The following B3GALT1 variants were observed in gnomAD, a reference collection of about 807,000 sequenced individuals.
B3GALT1 encodes the protein UDP-Gal:betaGlcNAc beta 1,3-galactosyltransferase, polypeptide 1.
Under a neutral mutation model 23.2 loss-of-function variants are expected in B3GALT1, and 10 were observed. That is an observed-to-expected ratio of 0.43 (90% CI 0.27 to 0.73). The LOEUF (loss-of-function observed/expected upper bound fraction) is 0.73. Ranked by LOEUF, B3GALT1 falls within the 30% of genes least tolerant of loss-of-function variation. The pLI is 0.21. For synonymous variants in B3GALT1, 156 were observed against 141.5 expected (o/e 1.10, Z -0.73); for missense variants, 299 against 405.4 (o/e 0.74, Z 2.25).
At chr2:167,651,237 TG>T (rs1413484799) in intron 3 of B3GALT1, among the ~76,000 whole-genome samples, 3 of 63,704 alleles carry the variant, frequency 4.7e-5, no homozygotes, top group African/African-American at 9.0e-5. Context: ...GCAGAAAGGT[TG>T]TGTGTGTGTG....
chr2:167,394,712 G>A (rs960090205), intron 1 of B3GALT1, among the ~76,000 whole-genome samples: 1 of 152,174 alleles, frequency 6.6e-6, no homozygotes, highest in African/African-American at 2.4e-5. Flanking sequence ...GCTCCCAAAG[G>A]AAGGTGGAAA....
chr2:167,392,880 C>T (rs1261973317), intron 1 of B3GALT1, among the ~76,000 whole-genome samples: 1 of 152,100 alleles, frequency 6.6e-6, no homozygotes, highest in African/African-American at 2.4e-5. Flanking sequence ...TCATAACACA[C>T]TCTCCTCTAG....
At chr2:167,727,416 C>G (rs1196441485) in intron 3 of B3GALT1, among the ~76,000 whole-genome samples, 1 of 152,136 alleles carries the variant, frequency 6.6e-6, no homozygotes, top group African/African-American at 2.4e-5. Context: ...CGCATTGGCT[C>G]CTAGGATTAG....
intron 1 of B3GALT1, among the ~76,000 whole-genome samples, chr2:167,404,339 A>T (rs907751424): frequency 3.3e-5 from 5 of 152,196 alleles, no homozygotes; most frequent in African/African-American, 1.2e-4. Context: ...CTGGGGATCA[A>T]CATGAAGTTT....
intron 4 of B3GALT1, among the ~76,000 whole-genome samples, chr2:167,846,599 C>T (rs182896776): frequency 6.6e-6 from 1 of 152,314 alleles, no homozygotes; most frequent in East Asian, 1.9e-4. Flanking sequence ...CTAAAAGAAG[C>T]TCTGTTTCTT....
intron 1 of B3GALT1, among the ~76,000 whole-genome samples, chr2:167,402,305 TAAAA>T (rs531521504): frequency 1.5e-3 from 229 of 152,186 alleles, no homozygotes; most frequent in African/African-American, 5.2e-3. Flanking sequence ...ATATTTCTAA[TAAAA>T]AAAGTTTTAG....
rs1330028646 is a variant in B3GALT1, at chr2:167,874,032, AG to A, written c.*4013del. The A allele has an allele frequency of 6.6e-6, 1 of 152,250 alleles. No individual in the cohort carries two copies. Among genetic ancestry groups the A allele is most frequent in the African/African-American group, 2.4e-5 (1 of 41,460 alleles). The allele number at this position is 152,250 out of a possible 1,614,324, so 9.4% of individuals were successfully genotyped here. On this transcript the variant is annotated 3_prime_UTR_variant, in exon 5 of 5. Transcript: ENST00000392690. ...TTTTAAACCATTGGGACAAATAAACAGAAGGAGAACAAATGTGTCACTTCTC... is the reference window on the plus strand; with the variant it reads ...TTTTAAACCATTGGGACAAATAAACAAAGGAGAACAAATGTGTCACTTCTC...
At chr2:167,355,483 C>T (rs1265190289) in intron 1 of B3GALT1, among the ~76,000 whole-genome samples, 1 of 152,086 alleles carries the variant, frequency 6.6e-6, no homozygotes, top group Non-Finnish European at 1.5e-5. Context: ...AATAACTTTG[C>T]AGGATCAATA....
intron 3 of B3GALT1, among the ~76,000 whole-genome samples, chr2:167,662,608 C>G (rs1171007953): frequency 6.6e-6 from 1 of 152,146 alleles, no homozygotes; most frequent in African/African-American, 2.4e-5. Flanking sequence ...CTATTCTCCA[C>G]TGTAACAGAC....
At chr2:167,821,235 C>G (rs1289148697) in intron 4 of B3GALT1, among the ~76,000 whole-genome samples, 1 of 152,056 alleles carries the variant, frequency 6.6e-6, no homozygotes, top group Non-Finnish European at 1.5e-5. Flanking sequence ...ATTCTGGCAA[C>G]AGAAGCTAGT....
intron 3 of B3GALT1, among the ~76,000 whole-genome samples, chr2:167,760,350 A>T (rs1687881509): frequency 6.6e-6 from 1 of 152,214 alleles, no homozygotes; most frequent in Non-Finnish European, 1.5e-5. Context: ...TTATGATGGC[A>T]GTGAATTTCT....
intron 4 of B3GALT1, among the ~76,000 whole-genome samples, chr2:167,820,962 ACT>A (rs1319975047): frequency 3.3e-5 from 5 of 151,714 alleles, no homozygotes; most frequent in African/African-American, 1.2e-4. Context: ...CACAAATCAA[ACT>A]CTCATATTTT....
intron 2 of B3GALT1, among the ~76,000 whole-genome samples, chr2:167,508,358 A>G (rs970057136): frequency 1.3e-5 from 2 of 149,254 alleles, no homozygotes; most frequent in East Asian, 2.0e-4. Flanking sequence ...TCCCGGATTC[A>G]CACCATTTTC....
chr2:167,498,789 TCTC>T (rs1488925187), intron 2 of B3GALT1, among the ~76,000 whole-genome samples: 2 of 152,044 alleles, frequency 1.3e-5, no homozygotes, highest in African/African-American at 2.4e-5. Context: ...TTCCCTTTCT[TCTC>T]CTTGCAGATC....
intron 1 of B3GALT1, among the ~76,000 whole-genome samples, chr2:167,452,984 T>C (rs1237000286): frequency 1.3e-5 from 2 of 152,208 alleles, no homozygotes; most frequent in East Asian, 3.9e-4. Context: ...ATCATTCTAA[T>C]ATGGAGCCAC....
intron 1 of B3GALT1, among the ~76,000 whole-genome samples, chr2:167,424,264 G>C (rs1698590936): frequency 6.6e-6 from 1 of 152,110 alleles, no homozygotes; most frequent in Non-Finnish European, 1.5e-5. Flanking sequence ...CCTAAGAAAA[G>C]AATAAAAAGG....
chr2:167,339,312 T>A (rs1458005882), intron 1 of B3GALT1, among the ~76,000 whole-genome samples: 1 of 151,916 alleles, frequency 6.6e-6, no homozygotes, highest in Non-Finnish European at 1.5e-5. Context: ...GTAATACAAA[T>A]GTATGACACA....
chr2:167,666,490 A>G (rs1686190697), intron 3 of B3GALT1, among the ~76,000 whole-genome samples: 1 of 151,792 alleles, frequency 6.6e-6, no homozygotes, highest in Non-Finnish European at 1.5e-5. Flanking sequence ...GCTGAGTTCA[A>G]TTCCTGGGTA....
intron 3 of B3GALT1, among the ~76,000 whole-genome samples, chr2:167,745,437 C>T (rs911265341): frequency 6.6e-6 from 1 of 152,128 alleles, no homozygotes; most frequent in Non-Finnish European, 1.5e-5. Context: ...AGATCATTTT[C>T]CTTCTATGAA....
Sources: gnomAD v4.1 joint callset for allele counts (sites outside exome capture counted in the v4.1 genomes callset) on GRCh38, gnomAD v4.1.1 for gene constraint, MANE v1.5 for transcripts, NCBI Gene and HGNC (gene_info 2026-07-23, HGNC 2026-07-21) for gene names.